Variants in RTN4IP1 observed in about 807,000 individuals in gnomAD.
RTN4IP1 encodes NAD(P)H oxidoreductase RTN4IP1, mitochondrial.
Under a neutral mutation model 46.6 loss-of-function variants are expected in RTN4IP1, and 32 were observed. That is an observed-to-expected ratio of 0.69 (90% CI 0.52 to 0.92). The LOEUF (loss-of-function observed/expected upper bound fraction) is 0.92. Among genes scored for constraint, RTN4IP1 ranks in the 40% least tolerant of loss-of-function variants. The pLI is 0.00. For synonymous variants in RTN4IP1, 167 were observed against 161.8 expected (o/e 1.03, Z -0.24); for missense variants, 424 against 485.8 (o/e 0.87, Z 1.20).
At chr6:106,580,738 C>T (rs7756017) in intron 8 of RTN4IP1, among the ~76,000 whole-genome samples, 1 of 142,584 alleles carries the variant, frequency 7.0e-6, no homozygotes, top group East Asian at 2.1e-4. Context: ...AAAAAAAAAA[C>T]GATCAAAATT....
chr6:106,588,390 T>C (rs940464247), intron 6 of RTN4IP1, among the ~76,000 whole-genome samples: 2 of 152,244 alleles, frequency 1.3e-5, no homozygotes, highest in African/African-American at 4.8e-5. Context: ...TTTGCTTTTA[T>C]TCTCTTTACA....
At chr6:106,603,675 AG>A (rs1389669761) in intron 4 of RTN4IP1, among the ~76,000 whole-genome samples, 4 of 152,240 alleles carry the variant, frequency 2.6e-5, no homozygotes, top group Non-Finnish European at 5.9e-5. Context: ...TGACAAGGAA[AG>A]GAATCTAGAC....
rs146158799 is a variant in RTN4IP1, at chr6:106,628,983, T to A, written c.39A>T (p.Ala13=). 4.9e-5 allele frequency: 79 copies of A among 1,613,820 alleles called. No homozygotes were observed. In the African/African-American group the frequency reaches 7.9e-4, roughly 16 times the overall value. ...FLKTCVLRRN[A]CTAVCFWRSK... ...TTCTCCAGAAGCAAACCGCAGTGCA[T>A]GCATTTCTTCTAAGTACACAAGTCT... The change falls in exon 1 of 9, where the codon GCA becomes GCT. Residue 13 remains alanine (A), a synonymous_variant. Transcript: ENST00000369063.
chr6:106,574,457 C>A (rs968341333), intron 8 of RTN4IP1, among the ~76,000 whole-genome samples: 2 of 150,780 alleles, frequency 1.3e-5, no homozygotes, highest in Non-Finnish European at 1.5e-5. Context: ...AAAAAAAAAA[C>A]CAGTTGTTTC....
intron 5 of RTN4IP1, among the ~76,000 whole-genome samples, chr6:106,602,034 T>C (rs917297414): frequency 6.6e-6 from 1 of 152,212 alleles, no homozygotes; most frequent in African/African-American, 2.4e-5. Context: ...CTCCATTTAA[T>C]GGTCTTGCCA....
intron 4 of RTN4IP1, among the ~76,000 whole-genome samples, chr6:106,611,246 T>A (rs1007109434): frequency 1.3e-5 from 2 of 152,090 alleles, no homozygotes; most frequent in Admixed American, 6.6e-5. Flanking sequence ...ACCTACAAAA[T>A]GATGATGACA....
chr6:106,604,289 TA>T (rs999641491), intron 4 of RTN4IP1, among the ~76,000 whole-genome samples: 8 of 152,210 alleles, frequency 5.3e-5, no homozygotes, highest in African/African-American at 1.9e-4. Context: ...TTAAAACCAT[TA>T]AATGTAATTA....
intron 1 of RTN4IP1, among the ~76,000 whole-genome samples, chr6:106,625,200 C>G (rs1346995232): frequency 6.6e-6 from 1 of 151,524 alleles, no homozygotes; most frequent in Non-Finnish European, 1.5e-5. Flanking sequence ...GGCACCCTGC[C>G]TACCTCTCCA....
In RTN4IP1 at chr6:106,628,963, C is replaced by T. The variant is rs763048901; in HGVS notation, c.59G>A (p.Trp20Ter). The change falls in exon 1 of 9, where the codon TGG becomes TAG. Residue 20 changes from tryptophan (W) to a stop codon, truncating the protein, a stop_gained. Coordinates refer to ENST00000369063, the MANE Select transcript of RTN4IP1 (RefSeq NM_032730.5). LOFTEE classifies it high-confidence loss of function. ...RRNACTAVCFWRSKVVQKPSV... is the reference protein window; with the variant it reads ...RRNACTAVCF Reference sequence around the variant, plus strand: ...AGGCTTTTGGACAACTTTGCTTCTCCAGAAGCAAACCGCAGTGCATGCATT... The same window carrying T: ...AGGCTTTTGGACAACTTTGCTTCTCTAGAAGCAAACCGCAGTGCATGCATT... The T allele has an allele frequency of 2.7e-5, 44 of 1,613,690 alleles. No individual in the cohort carries two copies. In the South Asian group the frequency reaches 3.2e-4, roughly 12 times the overall value.
In RTN4IP1 at chr6:106,621,496, G is replaced by A; in HGVS notation, c.427-3C>T. ...CAAGGAGGAACTGCAGCCCAGACCT[G>A]AAACACACACAGACAGACAGCTTCA... On this transcript the variant is annotated splice_region_variant and splice_polypyrimidine_tract_variant and intron_variant, in intron 2 of 8. Coordinates refer to ENST00000369063, the MANE Select transcript of RTN4IP1 (RefSeq NM_032730.5). 6.2e-7 allele frequency: 1 copy of A among 1,613,166 alleles called. No individual in the cohort carries two copies.
chr6:106,583,749 A>T, intron 7 of RTN4IP1: 1 of 275,418 alleles, frequency 3.6e-6, no homozygotes, highest in South Asian at 4.1e-5. Flanking sequence ...CCCCATGAGG[A>T]ATCGGGCTGA....
chr6:106,619,436 T>C, intron 3 of RTN4IP1, 110 bp from the exon 4 acceptor site: 2 of 1,289,220 alleles, frequency 1.6e-6, no homozygotes, highest in South Asian at 2.9e-5. Context: ...CAACAGGGGT[T>C]TGAATTGTGC....
upstream of RTN4IP1, chr6:106,629,514 C>T (rs1003481015): frequency 7.7e-6 from 7 of 904,772 alleles, no homozygotes; most frequent in Non-Finnish European, 1.1e-5. Flanking sequence ...CAACCAATCG[C>T]CTACAAAGAT....
chr6:106,613,225 C>T (rs1255508909), intron 4 of RTN4IP1, among the ~76,000 whole-genome samples: 1 of 151,840 alleles, frequency 6.6e-6, no homozygotes, highest in Non-Finnish European at 1.5e-5. Context: ...TGATGTGGTT[C>T]GTAGTCACTT....
At chr6:106,593,415 G>A (rs1444388557) in intron 5 of RTN4IP1, among the ~76,000 whole-genome samples, 1 of 152,134 alleles carries the variant, frequency 6.6e-6, no homozygotes, top group Non-Finnish European at 1.5e-5. Context: ...AGACTTAAAA[G>A]GGGGCTATTT....
At chr6:106,596,254 C>T (rs1775788684) in intron 5 of RTN4IP1, among the ~76,000 whole-genome samples, 1 of 152,186 alleles carries the variant, frequency 6.6e-6, no homozygotes, top group African/African-American at 2.4e-5. Flanking sequence ...CAAGTGATGG[C>T]TTTACATACA....
intron 7 of RTN4IP1, among the ~76,000 whole-genome samples, chr6:106,584,891 A>G (rs1775447878): frequency 6.6e-6 from 1 of 152,252 alleles, no homozygotes; most frequent in South Asian, 2.1e-4. Context: ...AAAACCTGTG[A>G]GAGCTAAAGG....
chr6:106,616,830 A>T (rs1776368510), intron 4 of RTN4IP1, among the ~76,000 whole-genome samples: 1 of 152,228 alleles, frequency 6.6e-6, no homozygotes, highest in African/African-American at 2.4e-5. Flanking sequence ...ATGTGTGGTA[A>T]TTTCAGTAAA....
intron 5 of RTN4IP1, among the ~76,000 whole-genome samples, chr6:106,598,257 T>C (rs1341810361): frequency 1.3e-5 from 2 of 152,204 alleles, no homozygotes; most frequent in South Asian, 4.1e-4. Flanking sequence ...TCTAGATCCC[T>C]GAGGAATCGC....
Sources: gnomAD v4.1 joint callset for allele counts (sites outside exome capture counted in the v4.1 genomes callset) on GRCh38, gnomAD v4.1.1 for gene constraint, MANE v1.5 for transcripts, NCBI Gene and HGNC (gene_info 2026-07-23, HGNC 2026-07-21) for gene names.